Variants in FRMD4B observed in about 807,000 individuals in gnomAD.
FRMD4B encodes the protein FERM domain containing 4B, also known as FERM domain-containing protein 4B.
A neutral mutation model predicts 141.5 loss-of-function variants in FRMD4B; 74 were observed. The ratio of observed to expected loss-of-function variants is 0.52; its 90% confidence interval spans 0.43 to 0.63. The LOEUF (loss-of-function observed/expected upper bound fraction) is 0.63, where lower values mean the gene tolerates loss of function less well. Ranked by LOEUF, FRMD4B falls within the 30% of genes least tolerant of loss-of-function variation. FRMD4B has a pLI of 0.00. For missense variants in FRMD4B, 1,366 were observed against 1,253.4 expected (o/e 1.09, Z -1.36); for synonymous variants, 506 against 467.9 (o/e 1.08, Z -1.05).
intron 21 of FRMD4B, 68 bp downstream of exon 21, chr3:69,180,831 G>T: frequency 8.6e-7 from 1 of 1,168,778 alleles, no homozygotes; most frequent in Non-Finnish European, 1.2e-6. Context: ...CCGTGAGGCG[G>T]TTTTAGGTGG....
intron 1 of FRMD4B, among the ~76,000 whole-genome samples, chr3:69,356,764 C>A (rs59163043): frequency 0.043 from 6,588 of 151,776 alleles, 294 homozygotes; most frequent in African/African-American, 0.11. Context: ...TCTGGAGTTA[C>A]AAAGTTGCTT....
At chr3:69,297,404 C>T (rs1371353828) in intron 4 of FRMD4B, among the ~76,000 whole-genome samples, 2 of 151,938 alleles carry the variant, frequency 1.3e-5, no homozygotes, top group African/African-American at 2.4e-5. Context: ...TGAGTGGACA[C>T]ATGCAGTCCT....
chr3:69,515,530 T>C (rs570783464), intron 1 of FRMD4B, among the ~76,000 whole-genome samples: 3 of 152,332 alleles, frequency 2.0e-5, no homozygotes, highest in South Asian at 2.1e-4. Flanking sequence ...CTTTGGGTTA[T>C]AATTCAATAC....
intron 5 of FRMD4B, among the ~76,000 whole-genome samples, chr3:69,257,769 C>T (rs993941901): frequency 5.3e-5 from 8 of 151,568 alleles, no homozygotes; most frequent in Admixed American, 4.6e-4. Context: ...TCAAGCAATT[C>T]TCCCACCTCA....
chr3:69,254,681 T>C (rs1044247274), intron 5 of FRMD4B, among the ~76,000 whole-genome samples: 1 of 151,988 alleles, frequency 6.6e-6, no homozygotes, highest in African/African-American at 2.4e-5. Context: ...AACTGGAAAC[T>C]GGGGGCTGGG....
chr3:69,342,638 T>C (rs1312981543), intron 1 of FRMD4B, among the ~76,000 whole-genome samples: 1 of 152,190 alleles, frequency 6.6e-6, no homozygotes, highest in African/African-American at 2.4e-5. Flanking sequence ...ACCCCCTCAA[T>C]AACATTAAAA....
chr3:69,228,585 A>C (rs188788794), intron 7 of FRMD4B: 29 of 420,472 alleles, frequency 6.9e-5, no homozygotes, highest in Middle Eastern at 1.0e-3. Flanking sequence ...CTATAATCCC[A>C]ACACTTTGGG....
At chr3:69,325,083 A>AAAAAGAAAG (rs1702143229) in intron 1 of FRMD4B, among the ~76,000 whole-genome samples, 2 of 143,414 alleles carry the variant, frequency 1.4e-5, no homozygotes, top group East Asian at 2.0e-4. Flanking sequence ...TCTAAAAAAA[A>AAAAAGAAAG]AAAAAGAAAG....
intron 1 of FRMD4B, among the ~76,000 whole-genome samples, chr3:69,363,607 T>G (rs889519416): frequency 1.3e-5 from 2 of 152,010 alleles, no homozygotes; most frequent in Non-Finnish European, 2.9e-5. Flanking sequence ...GCCAGGATGG[T>G]CTCAATCTCC....
At chr3:69,182,880 C>T (rs1007247301) in intron 19 of FRMD4B, among the ~76,000 whole-genome samples, 163 bp from the exon 20 acceptor site, 1 of 151,984 alleles carries the variant, frequency 6.6e-6, no homozygotes, top group African/African-American at 2.4e-5. Flanking sequence ...CAAAGAAAAC[C>T]CGCTAAAACA....
At position 69,320,486 on chromosome 3, in the gene FRMD4B, G is replaced by A. The variant is rs182732318; in HGVS notation, c.163-6969C>T. 6.7e-4 allele frequency among the ~76,000 whole-genome samples: 102 copies of A among 152,192 alleles called. 2 individuals are homozygous for A. The highest frequency in any genetic ancestry group is 2.3e-3 in the African/African-American group (96 of 41,546). Reference sequence around the variant, plus strand: ...TGTGTGCCTGTAGTCCCAGCTACTCGGGAAGCTGAGGCAGGAGGATCGCTG... The same window carrying A: ...TGTGTGCCTGTAGTCCCAGCTACTCAGGAAGCTGAGGCAGGAGGATCGCTG... On this transcript the variant is annotated intron_variant, in intron 1 of 22. Transcript: ENST00000398540.
At chr3:69,238,979 T>C (rs532731833) in intron 7 of FRMD4B, among the ~76,000 whole-genome samples, 1 of 152,308 alleles carries the variant, frequency 6.6e-6, no homozygotes, top group Non-Finnish European at 1.5e-5. Context: ...ACTAAAAAAT[T>C]GCTCGTTGTT....
intron 5 of FRMD4B, among the ~76,000 whole-genome samples, chr3:69,286,150 A>C (rs1700682131): frequency 6.6e-6 from 1 of 152,238 alleles, no homozygotes; most frequent in Admixed American, 6.5e-5. Context: ...GAAATGCTAA[A>C]GGAAGTCCTC....
chr3:69,525,474 C>T (rs888846274), intron 1 of FRMD4B, among the ~76,000 whole-genome samples: 4 of 152,100 alleles, frequency 2.6e-5, no homozygotes, highest in East Asian at 1.9e-4. Context: ...TGGGCAGGCC[C>T]GGCATTATCA....
chr3:69,464,384 C>T (rs1056678743), intron 1 of FRMD4B, among the ~76,000 whole-genome samples: 20 of 152,098 alleles, frequency 1.3e-4, no homozygotes, highest in Middle Eastern at 3.2e-3. Flanking sequence ...ACATTATCAG[C>T]GCCCTTACCC....
At chr3:69,346,349 G>C (rs1702940864) in intron 1 of FRMD4B, among the ~76,000 whole-genome samples, 1 of 152,142 alleles carries the variant, frequency 6.6e-6, no homozygotes, top group Admixed American at 6.5e-5. Flanking sequence ...CCAAATCTAG[G>C]TCTGATTGGT....
intron 2 of FRMD4B, among the ~76,000 whole-genome samples, chr3:69,402,700 A>G (rs1227859165): frequency 2.6e-5 from 4 of 152,326 alleles, no homozygotes; most frequent in Admixed American, 2.6e-4. Context: ...GATCTCGTGG[A>G]TACCAAATAG....
intron 1 of FRMD4B, among the ~76,000 whole-genome samples, chr3:69,496,638 AGAGAGAGAG>A (rs1232605871): frequency 0.022 from 885 of 39,616 alleles, 11 homozygotes; most frequent in African/African-American, 0.077. Context: ...AGAGAGAGAA[AGAGAGAGAG>A]AGAGAGAGAG....
chr3:69,475,306 T>C (rs540972475), intron 1 of FRMD4B, among the ~76,000 whole-genome samples: 21 of 152,170 alleles, frequency 1.4e-4, no homozygotes, highest in African/African-American at 4.8e-4. Context: ...GCTGCACCCA[T>C]TAACTCGTCA....
Sources: gnomAD v4.1 joint callset for allele counts (sites outside exome capture counted in the v4.1 genomes callset) on GRCh38, gnomAD v4.1.1 for gene constraint, MANE v1.5 for transcripts, NCBI Gene and HGNC (gene_info 2026-07-23, HGNC 2026-07-21) for gene names.